The following TM6SF1 variants were observed in gnomAD, a reference collection of about 807,000 sequenced individuals.
TM6SF1 encodes transmembrane 6 superfamily member 1.
Under a neutral mutation model 47.1 loss-of-function variants are expected in TM6SF1, and 43 were observed. That is an observed-to-expected ratio of 0.91 (90% confidence interval 0.72 to 1.18). The LOEUF (loss-of-function observed/expected upper bound fraction) is 1.18, where lower values mean the gene tolerates loss of function less well. TM6SF1 is among the 50% of genes most tolerant of loss of function. The probability of loss-of-function intolerance (pLI) is 0.00; values close to 1 mark genes in which losing one functional copy is unlikely to be tolerated. For synonymous variants in TM6SF1, 177 were observed against 166.3 expected, an observed-to-expected ratio of 1.06 and a Z score of -0.49; for missense variants, 390 against 449.0, an observed-to-expected ratio of 0.87 and a Z score of 1.19.
chr15:83,123,339 T>C (rs936995177), intron 6 of TM6SF1, among the ~76,000 whole-genome samples: 5 of 152,160 alleles, frequency 3.3e-5, no homozygotes, highest in Non-Finnish European at 7.4e-5. Context: ...TCCAGGCCCA[T>C]AGAGACTGGC....
chr15:83,124,922 G>A, intron 7 of TM6SF1, 146 bp downstream of exon 7: 1 of 690,024 alleles, frequency 1.4e-6, no homozygotes, highest in Non-Finnish European at 2.4e-6. Context: ...CTGGAGCCCT[G>A]GACCTGCTTC....
At position 83,137,212 on chromosome 15, in the gene TM6SF1, A is replaced by C. The variant is rs1359695885; in HGVS notation, c.*540A>C. 1 of 152,208 alleles carries C rather than the reference A, an allele frequency of 6.6e-6. No individual in the cohort carries two copies. Among genetic ancestry groups the C allele is most frequent in the Non-Finnish European group, 1.5e-5 (1 of 68,008 alleles). 9.4% of individuals were successfully genotyped at this position (152,208 alleles called of 1,614,324 possible). A position where few individuals can be genotyped will look rare whatever the true frequency, so the allele number is the denominator to read the frequency against. ...CTGCTGTTTCAAGAAAATTACTTTT[A>C]CTAAATTTTTTTGTGTGAATTTAAA... On this transcript the variant is annotated 3_prime_UTR_variant, in exon 10 of 10. Coordinates refer to ENST00000322019, the MANE Select transcript of TM6SF1 (RefSeq NM_023003.5).
At chr15:83,122,908 T>G in intron 6 of TM6SF1, 30 bp downstream of exon 6, 1 of 1,611,692 alleles carries the variant, frequency 6.2e-7, no homozygotes, top group Non-Finnish European at 8.5e-7. Flanking sequence ...ATGTACCCTG[T>G]TCTCAAACTC....
intron 1 of TM6SF1, among the ~76,000 whole-genome samples, chr15:83,112,391 G>A (rs1269224269): frequency 6.6e-6 from 1 of 152,200 alleles, no homozygotes; most frequent in East Asian, 1.9e-4. Flanking sequence ...TTTCTGACTG[G>A]CCCTGAGGGA....
chr15:83,115,890 G>C lies in TM6SF1; in HGVS notation c.242G>C (p.Gly81Ala). The change falls in exon 3 of 10, where the codon GGA (glycine) becomes GCA (alanine). Residue 81 changes from glycine (G) to alanine (A), a missense_variant. By Grantham distance (60) the Gly-to-Ala change is moderately conservative. Coordinates refer to ENST00000322019, the MANE Select transcript of TM6SF1 (RefSeq NM_023003.5). ...GFTSVVNLIIGLEQDGIIDGF... is the reference protein window; with the variant it reads ...GFTSVVNLIIALEQDGIIDGF... Reference sequence around the variant, plus strand: ...ACCAGCGTGGTGAACCTCATCATAGGACTGGAGCAAGATGGAATCATTGAC... The same window carrying C: ...ACCAGCGTGGTGAACCTCATCATAGCACTGGAGCAAGATGGAATCATTGAC... 6.2e-7 allele frequency: 1 copy of C among 1,614,104 alleles called. No homozygotes were observed. The highest frequency in any genetic ancestry group is 8.5e-7 in the Non-Finnish European group (1 of 1,180,010).
At chr15:83,110,022 C>T (rs968434916) in intron 1 of TM6SF1, among the ~76,000 whole-genome samples, 14 of 152,326 alleles carry the variant, frequency 9.2e-5, no homozygotes, top group African/African-American at 2.9e-4. Context: ...ATAGCTCACC[C>T]CTCTGTACTG....
chr15:83,111,024 C>G (rs1567130458), intron 1 of TM6SF1, among the ~76,000 whole-genome samples: 1 of 152,160 alleles, frequency 6.6e-6, no homozygotes, highest in Non-Finnish European at 1.5e-5. Flanking sequence ...GCATCCGCCA[C>G]CTCGCCTGGC....
At chr15:83,127,119 G>A (rs546263751) in intron 8 of TM6SF1, among the ~76,000 whole-genome samples, 19 of 151,952 alleles carry the variant, frequency 1.3e-4, no homozygotes, top group South Asian at 4.2e-4. Context: ...GCTTGAACCC[G>A]GGAGGTGGAG....
At chr15:83,134,674 A>C (rs868305678) in intron 9 of TM6SF1, 2 of 152,220 alleles carry the variant, frequency 1.3e-5, no homozygotes, top group Non-Finnish European at 2.9e-5. Context: ...TTATTCTCTC[A>C]AAGTATGGTT....
chr15:83,113,238 C>A, intron 2 of TM6SF1: 1 of 383,698 alleles, frequency 2.6e-6, no homozygotes, highest in Non-Finnish European at 4.9e-6. Flanking sequence ...TACTAGCAGT[C>A]CCCCCCACTT....
chr15:83,132,935 A>T (rs906846422), intron 9 of TM6SF1: 1 of 152,230 alleles, frequency 6.6e-6, no homozygotes, highest in African/African-American at 2.4e-5. Flanking sequence ...GGTCAAGAGA[A>T]TCTAAAAACA....
chr15:83,108,180 A>G (rs2033836380), intron 1 of TM6SF1, among the ~76,000 whole-genome samples: 1 of 152,126 alleles, frequency 6.6e-6, no homozygotes, highest in Admixed American at 6.5e-5. Flanking sequence ...GTTTCCATGT[A>G]TGGACTTTCG....
chr15:83,121,422 G>C (rs2035233646), intron 4 of TM6SF1, among the ~76,000 whole-genome samples: 1 of 152,120 alleles, frequency 6.6e-6, no homozygotes, highest in Non-Finnish European at 1.5e-5. Flanking sequence ...TGGGGTATAT[G>C]TCTAGCAGCT....
At chr15:83,133,992 T>C (rs2036442730) in intron 9 of TM6SF1, 2 of 152,236 alleles carry the variant, frequency 1.3e-5, no homozygotes, top group South Asian at 4.1e-4. Context: ...ATGCCTCTTT[T>C]GATTATGAAT....
At chr15:83,110,478 C>T (rs997919307) in intron 1 of TM6SF1, among the ~76,000 whole-genome samples, 9 of 152,322 alleles carry the variant, frequency 5.9e-5, no homozygotes, top group African/African-American at 2.2e-4. Flanking sequence ...CTTCCCTCCT[C>T]TCCTGGAGCT....
At chr15:83,136,309 A>T in intron 9 of TM6SF1, 172 bp from the exon 10 acceptor site, 1 of 462,298 alleles carries the variant, frequency 2.2e-6, no homozygotes, top group Non-Finnish European at 3.8e-6. Flanking sequence ...GACTAAATTT[A>T]ATGAAAGACT....
At chr15:83,115,824 C>A in intron 2 of TM6SF1, 21 bp from the exon 3 acceptor site, 1 of 1,568,644 alleles carries the variant, frequency 6.4e-7, no homozygotes, top group Non-Finnish European at 8.8e-7. Flanking sequence ...GCTTTTTAAA[C>A]TGCTGCTTTC....
intron 9 of TM6SF1, chr15:83,129,217 C>T (rs970466705): frequency 9.2e-5 from 14 of 152,218 alleles, no homozygotes; most frequent in African/African-American, 2.7e-4. Context: ...GCTCTCATTA[C>T]CTTACTTCAT....
At chr15:83,108,994 G>A (rs774694982) in intron 1 of TM6SF1, among the ~76,000 whole-genome samples, 7 of 152,184 alleles carry the variant, frequency 4.6e-5, no homozygotes, top group Non-Finnish European at 5.9e-5. Flanking sequence ...ATGGCATTAC[G>A]GGTAGTTCAG....
Sources: gnomAD v4.1 joint callset for allele counts (sites outside exome capture counted in the v4.1 genomes callset) on GRCh38, gnomAD v4.1.1 for gene constraint, MANE v1.5 for transcripts, NCBI Gene and HGNC (gene_info 2026-07-23, HGNC 2026-07-21) for gene names.